PID1: variants seen among roughly 807,000 people sequenced by gnomAD.
PID1 encodes the protein PTB-containing, cubilin and LRP1-interacting protein.
Under a neutral mutation model 19.1 loss-of-function variants are expected in PID1, and 10 were observed. The ratio of observed to expected loss-of-function variants is 0.52; its 90% confidence interval spans 0.32 to 0.89. The LOEUF (loss-of-function observed/expected upper bound fraction) is 0.89, where lower values mean the gene tolerates loss of function less well. Ranked by LOEUF, PID1 falls within the 40% of genes least tolerant of loss-of-function variation. PID1 has a pLI of 0.03. For missense variants in PID1, 248 were observed against 285.3 expected (o/e 0.87, Z 0.94); for synonymous variants, 130 against 116.0 (o/e 1.12, Z -0.78).
chr2:229,125,222 T>G (rs1695599050), intron 2 of PID1, among the ~76,000 whole-genome samples: 1 of 152,186 alleles, frequency 6.6e-6, no homozygotes, highest in African/African-American at 2.4e-5. Flanking sequence ...CTGAATTCTA[T>G]GACATTCTAA....
chr2:229,091,925 G>A (rs190827312), intron 2 of PID1, among the ~76,000 whole-genome samples: 1 of 152,258 alleles, frequency 6.6e-6, no homozygotes, highest in East Asian at 1.9e-4. Flanking sequence ...GACTTGCTCT[G>A]TCCTTCATAA....
At chr2:229,074,461 T>C (rs1026240873) in intron 2 of PID1, among the ~76,000 whole-genome samples, 2 of 152,038 alleles carry the variant, frequency 1.3e-5, no homozygotes, top group African/African-American at 4.8e-5. Context: ...TCAAAATACA[T>C]AGGGGATTTT....
intron 1 of PID1, among the ~76,000 whole-genome samples, chr2:229,171,350 C>T (rs185584830): frequency 6.6e-5 from 10 of 152,282 alleles, no homozygotes; most frequent in Middle Eastern, 3.4e-3. Context: ...TCAATAAAAG[C>T]TCAGTGGACA....
At chr2:229,245,752 G>T (rs533326149) in intron 1 of PID1, among the ~76,000 whole-genome samples, 1 of 152,086 alleles carries the variant, frequency 6.6e-6, no homozygotes, top group Non-Finnish European at 1.5e-5. Flanking sequence ...TTTGCTGAAT[G>T]GGGAAATTGA....
At chr2:229,076,991 A>G (rs1354660272) in intron 2 of PID1, among the ~76,000 whole-genome samples, 2 of 152,208 alleles carry the variant, frequency 1.3e-5, no homozygotes, top group Non-Finnish European at 2.9e-5. Flanking sequence ...ACAATGGTTG[A>G]ACTCATTCAC....
Position 229,073,783 on chromosome 2 carries a change from G to T in PID1, c.178-47675C>A, listed in dbSNP as rs79541710. 8.7e-3 allele frequency among the ~76,000 whole-genome samples: 1,326 copies of T among 152,346 alleles called. 13 individuals carry two copies. The highest frequency in any genetic ancestry group is 0.01 in the Non-Finnish European group (707 of 68,034). On this transcript the variant is annotated intron_variant, in intron 2 of 2. Transcript: ENST00000392055. ...CATTTTTCTCATTTAGGGCAATTATGAAGAAAGCCGGGGCATTTAGGTTCT... is the reference window on the plus strand; with the variant it reads ...CATTTTTCTCATTTAGGGCAATTATTAAGAAAGCCGGGGCATTTAGGTTCT...
intron 2 of PID1, among the ~76,000 whole-genome samples, chr2:229,112,933 T>G (rs2313821): frequency 1.3e-5 from 2 of 152,194 alleles, no homozygotes; most frequent in Non-Finnish European, 2.9e-5. Context: ...TGCCTGTGGC[T>G]TGGAAGCTTC....
At chr2:229,227,705 T>C (rs1369705411) in intron 1 of PID1, among the ~76,000 whole-genome samples, 2 of 152,142 alleles carry the variant, frequency 1.3e-5, no homozygotes, top group Non-Finnish European at 2.9e-5. Flanking sequence ...ATAAATATAG[T>C]TGGCCCTCTG....
At chr2:229,097,050 G>A (rs962910443) in intron 2 of PID1, among the ~76,000 whole-genome samples, 5 of 152,150 alleles carry the variant, frequency 3.3e-5, no homozygotes, top group African/African-American at 9.7e-5. Flanking sequence ...CAAAAACAGC[G>A]ATGTTTGAAG....
intron 2 of PID1, among the ~76,000 whole-genome samples, chr2:229,078,756 A>G (rs1033121992): frequency 3.4e-5 from 5 of 148,574 alleles, no homozygotes; most frequent in African/African-American, 1.2e-4. Flanking sequence ...CTTACTTCCC[A>G]CCTCTCAGAA....
chr2:229,094,024 T>C (rs947606150), intron 2 of PID1, among the ~76,000 whole-genome samples: 2 of 152,110 alleles, frequency 1.3e-5, no homozygotes, highest in Admixed American at 6.6e-5. Context: ...GCCAATGATA[T>C]AATCTCATAT....
At chr2:229,065,872 A>G (rs904583098) in intron 2 of PID1, among the ~76,000 whole-genome samples, 3 of 152,208 alleles carry the variant, frequency 2.0e-5, no homozygotes, top group Non-Finnish European at 4.4e-5. Flanking sequence ...TGGATTCGCC[A>G]GTAGTGGATG....
chr2:229,168,798 G>A (rs1275883788), intron 1 of PID1, among the ~76,000 whole-genome samples: 2 of 152,054 alleles, frequency 1.3e-5, no homozygotes, highest in Admixed American at 1.3e-4. Context: ...AAGGTAAATA[G>A]CATTTTTACA....
At chr2:229,168,359 C>CT (rs1420857316) in intron 1 of PID1, among the ~76,000 whole-genome samples, 1 of 152,088 alleles carries the variant, frequency 6.6e-6, no homozygotes, top group African/African-American at 2.4e-5. Flanking sequence ...TTTATACACT[C>CT]TTTTTTCTTT....
At chr2:229,191,386 G>T (rs1013381678) in intron 1 of PID1, among the ~76,000 whole-genome samples, 2 of 152,256 alleles carry the variant, frequency 1.3e-5, no homozygotes, top group Middle Eastern at 6.8e-3. Flanking sequence ...TCTCTCAAGA[G>T]AAAGGAATGA....
chr2:229,033,340 C>T (rs1693594719), intron 2 of PID1, among the ~76,000 whole-genome samples: 1 of 152,210 alleles, frequency 6.6e-6, no homozygotes, highest in East Asian at 1.9e-4. Context: ...CCACTTACTG[C>T]TGGGCTTCTC....
chr2:229,270,965 C>A, intron 1 of PID1, 49 bp downstream of exon 1: 1 of 1,484,896 alleles, frequency 6.7e-7, no homozygotes, highest in Non-Finnish European at 9.0e-7. Context: ...TTCCTCTGCC[C>A]GGGCACCTCC....
At chr2:229,148,815 T>C (rs1690189249) in intron 2 of PID1, among the ~76,000 whole-genome samples, 2 of 151,678 alleles carry the variant, frequency 1.3e-5, no homozygotes, top group African/African-American at 2.4e-5. Context: ...TATTTACAAG[T>C]CTACAAAGAG....
intron 2 of PID1, among the ~76,000 whole-genome samples, chr2:229,131,629 T>C (rs1012045471): frequency 1.2e-4 from 18 of 152,218 alleles, no homozygotes; most frequent in Admixed American, 9.8e-4. Context: ...TAATAATTAA[T>C]TTCATAGCTT....
Sources: gnomAD v4.1 joint callset for allele counts (sites outside exome capture counted in the v4.1 genomes callset) on GRCh38, gnomAD v4.1.1 for gene constraint, MANE v1.5 for transcripts, NCBI Gene and HGNC (gene_info 2026-07-23, HGNC 2026-07-21) for gene names.